The following MCCC1 variants were observed in gnomAD, a reference collection of about 807,000 sequenced individuals.
MCCC1 encodes methylcrotonyl-CoA carboxylase subunit 1.
Under a neutral mutation model 83.8 loss-of-function variants are expected in MCCC1, and 64 were observed. That is an observed-to-expected ratio of 0.76 (90% CI 0.62 to 0.94). The LOEUF is 0.94. Among genes scored for constraint, MCCC1 ranks in the 40% least tolerant of loss-of-function variants. MCCC1 has a pLI of 0.00. For synonymous variants in MCCC1, 322 were observed against 315.4 expected (o/e 1.02, Z -0.22); for missense variants, 807 against 904.7 (o/e 0.89, Z 1.39).
intron 1 of MCCC1, among the ~76,000 whole-genome samples, chr3:183,106,856 G>A (rs1170388017): frequency 6.6e-6 from 1 of 151,866 alleles, no homozygotes; most frequent in Non-Finnish European, 1.5e-5. Flanking sequence ...TCCTCATGCA[G>A]ATATAGATAT....
At chr3:183,049,151 A>G (rs1714767378) in intron 9 of MCCC1, among the ~76,000 whole-genome samples, 1 of 152,234 alleles carries the variant, frequency 6.6e-6, no homozygotes, top group African/African-American at 2.4e-5. Flanking sequence ...AAATACCAAA[A>G]TCAAGAATCT....
chr3:183,106,919 A>G (rs1719415812), intron 1 of MCCC1, among the ~76,000 whole-genome samples: 1 of 152,076 alleles, frequency 6.6e-6, no homozygotes, highest in Admixed American at 6.6e-5. Context: ...TTTCTTTTGG[A>G]ACCATTTGAA....
chr3:183,099,353 T>A lies in MCCC1; in HGVS notation c.88A>T (p.Arg30Trp). 6.3e-7 allele frequency: 1 copy of A among 1,597,062 alleles called. No individual in the cohort carries two copies. Residue 30 changes from arginine (R) to tryptophan (W), a missense_variant and splice_region_variant, in exon 1 of 19, where the codon AGG (arginine) becomes TGG (tryptophan). Transcript: ENST00000265594. ...CTGAGCCATGGCCCCTCCACCCACC[T>A]CGGCGGCAGGAGCAGGCTCGGGAGA... ...HRLPSLLLPPRTWVWRQRTMK... is the reference protein window; with the variant it reads ...HRLPSLLLPPWTWVWRQRTMK...
intron 1 of MCCC1, among the ~76,000 whole-genome samples, chr3:183,115,242 CT>C: frequency 6.6e-6 from 1 of 152,326 alleles, no homozygotes; most frequent in South Asian, 2.1e-4. Flanking sequence ...ATTCCTTCCT[CT>C]GCCATCTGCC....
chr3:183,051,088 G>A (rs577241600), intron 9 of MCCC1, among the ~76,000 whole-genome samples: 1 of 152,274 alleles, frequency 6.6e-6, no homozygotes, highest in African/African-American at 2.4e-5. Flanking sequence ...AAATAGTACT[G>A]TCACTTTAGA....
At chr3:183,113,441 G>A (rs1026301031) in intron 1 of MCCC1, among the ~76,000 whole-genome samples, 1 of 151,196 alleles carries the variant, frequency 6.6e-6, no homozygotes, top group East Asian at 1.9e-4. Context: ...GGGACGGATA[G>A]CATTAGGAGA....
chr3:183,084,499 CCA>C (rs1717747773), intron 4 of MCCC1, among the ~76,000 whole-genome samples: 1 of 152,042 alleles, frequency 6.6e-6, no homozygotes, highest in South Asian at 2.1e-4. Flanking sequence ...CAAGCTGTAA[CCA>C]AAAAAGCTTC....
At chr3:183,100,689 G>A (rs1719182918), upstream of MCCC1, among the ~76,000 whole-genome samples, 1 of 152,232 alleles carries the variant, frequency 6.6e-6, no homozygotes, top group African/African-American at 2.4e-5. Flanking sequence ...GCTGGGTGCT[G>A]TGGCTCATGT....
intron 2 of MCCC1, among the ~76,000 whole-genome samples, chr3:183,094,081 C>T (rs1181393805): frequency 1.4e-5 from 2 of 142,214 alleles, no homozygotes; most frequent in African/African-American, 2.6e-5. Flanking sequence ...CGAAGTCTTG[C>T]TCTGTCGCCC....
At chr3:183,076,050 G>C (rs1717048578) in intron 4 of MCCC1, among the ~76,000 whole-genome samples, 2 of 152,118 alleles carry the variant, frequency 1.3e-5, no homozygotes, top group South Asian at 4.1e-4. Context: ...GTTTTCTTTT[G>C]AGATATGATT....
At position 183,092,463 on chromosome 3, in the gene MCCC1, T is replaced by C; in HGVS notation, c.219A>G (p.Val73=). The change falls in exon 3 of 19, where the codon GTA becomes GTG. Residue 73 remains valine (V), a synonymous_variant. Transcript: ENST00000265594. ...RVMRTAKKLG[V]QTVAVYSEAD... ...CCTCACTATAAACCGCCACAGTCTG[T>C]ACACCCAGTTTTTTGGCTGTGCGCA... The C allele has an allele frequency of 6.2e-7, 1 of 1,614,240 alleles. No homozygotes were observed. Among genetic ancestry groups the C allele is most frequent in the Admixed American group, 1.7e-5 (1 of 60,022 alleles).
chr3:183,106,601 C>T (rs757381570), intron 1 of MCCC1, among the ~76,000 whole-genome samples: 4 of 152,020 alleles, frequency 2.6e-5, no homozygotes, highest in South Asian at 2.1e-4. Flanking sequence ...CAGGTTCAAG[C>T]GATTCTACTG....
intron 17 of MCCC1, among the ~76,000 whole-genome samples, chr3:183,018,153 G>A (rs112395069): frequency 6.6e-6 from 1 of 152,162 alleles, no homozygotes; most frequent in African/African-American, 2.4e-5. Flanking sequence ...CAAATGCACT[G>A]GTCAAATCAG....
Position 183,044,733 on chromosome 3 carries a change from C to A in MCCC1, c.1083+680G>T, listed in dbSNP as rs1464959738. On this transcript the variant is annotated intron_variant, in intron 10 of 18. Coordinates refer to ENST00000265594, the MANE Select transcript of MCCC1 (RefSeq NM_020166.5). ...AATCTCACCTGCTGGCTGCCCGGGCCTAGGGGGAAGTGAATCTGAGTCCCT... is the reference window on the plus strand; with the variant it reads ...AATCTCACCTGCTGGCTGCCCGGGCATAGGGGGAAGTGAATCTGAGTCCCT... Among the ~76,000 whole-genome samples the A allele has an allele frequency of 1.3e-5, 2 of 152,120 alleles. 1 individual carries two copies. Among genetic ancestry groups the A allele is most frequent in the Admixed American group, 1.3e-4 (2 of 15,264 alleles).
intron 3 of MCCC1, among the ~76,000 whole-genome samples, chr3:183,091,329 A>G (rs1206312208): frequency 6.6e-6 from 1 of 152,164 alleles, no homozygotes; most frequent in Non-Finnish European, 1.5e-5. Flanking sequence ...GCACTTTGGG[A>G]GGCCAAGGTG....
At chr3:183,063,173 C>T (rs942581341) in intron 7 of MCCC1, among the ~76,000 whole-genome samples, 23 of 55,514 alleles carry the variant, frequency 4.1e-4, no homozygotes, top group African/African-American at 5.8e-4. Flanking sequence ...TTAGTAGAGA[C>T]GGGGTTTCAC....
At chr3:183,088,192 T>C (rs1577355173) in intron 3 of MCCC1, among the ~76,000 whole-genome samples, 3 of 150,528 alleles carry the variant, frequency 2.0e-5, no homozygotes, top group Admixed American at 2.0e-4. Context: ...TGTTTTGTTG[T>C]TGTTGTTGTT....
intron 1 of MCCC1, among the ~76,000 whole-genome samples, chr3:183,105,715 A>AC (rs111400182): frequency 6.6e-6 from 1 of 152,000 alleles, no homozygotes; most frequent in African/African-American, 2.4e-5. Flanking sequence ...AAAAAAAAAA[A>AC]CTCTTACAAA....
At position 183,108,649 on chromosome 3, in the gene MCCC1, G is replaced by A. The variant is rs1220020868; in HGVS notation, c.-102+6825C>T. 2.6e-5 allele frequency among the ~76,000 whole-genome samples: 4 copies of A among 152,204 alleles called. No individual in the cohort carries two copies. In the South Asian group the frequency reaches 6.2e-4, roughly 24 times the overall value. On this transcript the variant is annotated intron_variant, in intron 1 of 17. Transcript: ENST00000492597. Reference sequence around the variant, plus strand: ...CTGACTGAAGAAAATACTGGGGGGAGGAAGTGGAAGTGGAGGTACAGAGTT... The same window carrying A: ...CTGACTGAAGAAAATACTGGGGGGAAGAAGTGGAAGTGGAGGTACAGAGTT...
Sources: gnomAD v4.1 joint callset for allele counts (sites outside exome capture counted in the v4.1 genomes callset) on GRCh38, gnomAD v4.1.1 for gene constraint, MANE v1.5 for transcripts, NCBI Gene and HGNC (gene_info 2026-07-23, HGNC 2026-07-21) for gene names.